Variants in FMN2 observed in about 807,000 individuals in gnomAD.
FMN2 encodes the protein formin 2.
Under a neutral mutation model 142.3 loss-of-function variants are expected in FMN2, and 51 were observed. The ratio of observed to expected loss-of-function variants is 0.36; its 90% CI spans 0.29 to 0.45. The LOEUF is 0.45. FMN2 is among the 20% of genes least tolerant of loss of function. FMN2 has a pLI of 1.00. For missense variants in FMN2, 1,936 were observed against 2,122.8 expected, an observed-to-expected ratio of 0.91 and a Z score of 1.73; for synonymous variants, 882 against 869.8, an observed-to-expected ratio of 1.01 and a Z score of -0.25.
At chr1:240,348,624 G>A (rs1250172551) in intron 13 of FMN2, among the ~76,000 whole-genome samples, 2 of 151,822 alleles carry the variant, frequency 1.3e-5, no homozygotes, top group Non-Finnish European at 2.9e-5. Context: ...GCCCTGTCAG[G>A]TACATTCTGA....
chr1:240,241,590 A>T (rs1017906404), intron 6 of FMN2, among the ~76,000 whole-genome samples: 6 of 152,014 alleles, frequency 3.9e-5, no homozygotes, highest in African/African-American at 9.7e-5. Flanking sequence ...CATTTCTGTG[A>T]CTCAATACAT....
intron 14 of FMN2, among the ~76,000 whole-genome samples, chr1:240,379,437 T>A (rs1050898550): frequency 5.3e-5 from 8 of 152,338 alleles, no homozygotes; most frequent in Non-Finnish European, 1.2e-4. Flanking sequence ...TTTTGATCCT[T>A]CTTTTCTGCA....
At chr1:240,247,614 A>G (rs1668125018) in intron 6 of FMN2, among the ~76,000 whole-genome samples, 1 of 152,190 alleles carries the variant, frequency 6.6e-6, no homozygotes, top group Non-Finnish European at 1.5e-5. Context: ...TATGATTAAA[A>G]AGCAACATGC....
intron 6 of FMN2, among the ~76,000 whole-genome samples, chr1:240,254,239 G>T (rs901405837): frequency 6.6e-6 from 1 of 152,102 alleles, no homozygotes; most frequent in Non-Finnish European, 1.5e-5. Flanking sequence ...GTGTTGCAGT[G>T]GCTATGACAG....
intron 8 of FMN2, among the ~76,000 whole-genome samples, chr1:240,300,700 A>G (rs964473427): frequency 6.6e-6 from 1 of 152,214 alleles, no homozygotes; most frequent in African/African-American, 2.4e-5. Context: ...AAGCTAACTA[A>G]CTGTCATGCA....
At chr1:240,261,315 A>G (rs1668620335) in intron 7 of FMN2, among the ~76,000 whole-genome samples, 1 of 149,628 alleles carries the variant, frequency 6.7e-6, no homozygotes, top group Non-Finnish European at 1.5e-5. Context: ...AATGAAATGG[A>G]TTGAACTTGC....
chr1:240,202,035 A>T (rs1666144635), intron 4 of FMN2, among the ~76,000 whole-genome samples: 1 of 152,212 alleles, frequency 6.6e-6, no homozygotes, highest in South Asian at 2.1e-4. Context: ...CTTAACTGCT[A>T]ACAGAGCAGT....
At chr1:240,288,262 A>G (rs991537135) in intron 7 of FMN2, among the ~76,000 whole-genome samples, 8 of 152,130 alleles carry the variant, frequency 5.3e-5, no homozygotes, top group East Asian at 1.9e-4. Context: ...CTGTATATCT[A>G]CAGAACGTAT....
At chr1:240,290,908 G>T (rs1429941212) in intron 7 of FMN2, among the ~76,000 whole-genome samples, 23 of 150,502 alleles carry the variant, frequency 1.5e-4, no homozygotes, top group Admixed American at 1.4e-3. Flanking sequence ...CTACCTCCCG[G>T]GTTCAAGTGA....
At chr1:240,467,491 C>T (rs1676662985) in intron 16 of FMN2, among the ~76,000 whole-genome samples, 1 of 152,082 alleles carries the variant, frequency 6.6e-6, no homozygotes, top group Non-Finnish European at 1.5e-5. Flanking sequence ...TGGTCTCAAA[C>T]TCCTGACCTT....
At chr1:240,283,987 T>C (rs1669500437) in intron 7 of FMN2, among the ~76,000 whole-genome samples, 3 of 152,096 alleles carry the variant, frequency 2.0e-5, no homozygotes, top group Non-Finnish European at 4.4e-5. Flanking sequence ...TCCTCTTTCC[T>C]CCTTCGTCTG....
intron 7 of FMN2, among the ~76,000 whole-genome samples, chr1:240,276,300 A>G (rs1308371896): frequency 6.6e-6 from 1 of 152,156 alleles, no homozygotes; most frequent in East Asian, 1.9e-4. Flanking sequence ...AGGTCTTGTC[A>G]TTTGCATATG....
At chr1:240,366,102 A>T (rs768710928) in intron 14 of FMN2, among the ~76,000 whole-genome samples, 14 of 152,322 alleles carry the variant, frequency 9.2e-5, no homozygotes, top group Non-Finnish European at 2.1e-4. Context: ...TAACAAAAAT[A>T]AGGTTATATT....
chr1:240,118,344 G>T (rs1024050124), intron 1 of FMN2, among the ~76,000 whole-genome samples: 4 of 152,192 alleles, frequency 2.6e-5, no homozygotes, highest in South Asian at 2.1e-4. Context: ...CTGGGGGAAA[G>T]TTTGATAGGG....
intron 14 of FMN2, among the ~76,000 whole-genome samples, chr1:240,368,110 T>C (rs573989680): frequency 4.5e-4 from 68 of 152,306 alleles, no homozygotes; most frequent in African/African-American, 1.6e-3. Context: ...TTTATCCTTA[T>C]AACAAAACCT....
At chr1:240,218,587 T>C (rs1666994275) in intron 6 of FMN2, among the ~76,000 whole-genome samples, 1 of 151,934 alleles carries the variant, frequency 6.6e-6, no homozygotes, top group African/African-American at 2.4e-5. Context: ...TTTATTTCTA[T>C]CTGGAGCAGA....
intron 14 of FMN2, among the ~76,000 whole-genome samples, chr1:240,389,947 G>C (rs1425126868): frequency 6.6e-6 from 1 of 152,114 alleles, no homozygotes; most frequent in Non-Finnish European, 1.5e-5. Flanking sequence ...GTGAGACCCT[G>C]TCTCAAAAAA....
rs190849961 is a variant in FMN2, at chr1:240,327,081, T to A, written c.4216-1995T>A. Reference sequence around the variant, plus strand: ...AGTAGTATTTGCTCAAGTAGTAAAATTCTTGAGCAAAGCCACAATTAACTG... The same window carrying A: ...AGTAGTATTTGCTCAAGTAGTAAAAATCTTGAGCAAAGCCACAATTAACTG... On this transcript the variant is annotated intron_variant, in intron 8 of 17. Transcript: ENST00000319653. Among the ~76,000 whole-genome samples, 81 of 152,330 alleles carry A rather than the reference T, an allele frequency of 5.3e-4. 1 individual carries two copies. The highest frequency in any genetic ancestry group is 4.4e-5 in the Non-Finnish European group (3 of 68,018).
intron 14 of FMN2, among the ~76,000 whole-genome samples, chr1:240,358,682 G>A (rs4659966): frequency 0.28 from 42,786 of 151,940 alleles, 6,358 homozygotes; most frequent in Admixed American, 0.43. Context: ...ATTAGATCTC[G>A]TGAGAACTCA....
Sources: allele counts gnomAD v4.1 joint callset (sites outside exome capture counted in the v4.1 genomes callset), GRCh38; gene constraint gnomAD v4.1.1; transcripts MANE v1.5; gene names NCBI Gene and HGNC (gene_info 2026-07-23, HGNC 2026-07-21).